ZAR1L: variants seen among roughly 807,000 people sequenced by gnomAD.
The protein encoded by ZAR1L is protein ZAR1-like.
In ZAR1L, 16 loss-of-function variants were observed where a neutral mutation model predicts 30.0. That is an observed-to-expected ratio of 0.53 (90% CI 0.36 to 0.81). The LOEUF (loss-of-function observed/expected upper bound fraction) is 0.81. Ranked by LOEUF, ZAR1L falls within the 30% of genes least tolerant of loss-of-function variation. The pLI, the probability that ZAR1L is intolerant of heterozygous loss-of-function variation, is 0.00. For missense variants in ZAR1L, 392 were observed against 417.2 expected, an observed-to-expected ratio of 0.94 and a Z score of 0.53; for synonymous variants, 197 against 166.8, an observed-to-expected ratio of 1.18 and a Z score of -1.40.
At chr13:32,312,200 C>T (rs2138690401) in intron 2 of ZAR1L, 107 bp from the exon 3 acceptor site, 1 of 409,858 alleles carries the variant, frequency 2.4e-6, no homozygotes, top group Non-Finnish European at 4.4e-6. Context: ...TTTTTCAAAG[C>T]TGTTTTTCAT....
At chr13:32,313,752 G>T (rs2072230185) in intron 2 of ZAR1L, among the ~76,000 whole-genome samples, 1 of 152,188 alleles carries the variant, frequency 6.6e-6, no homozygotes, top group African/African-American at 2.4e-5. Context: ...AAGAGAATAG[G>T]TGAGAAAGTC....
chr13:32,315,247 CA>C (rs2072241923), intron 1 of ZAR1L, 67 bp downstream of exon 1: 1 of 152,520 alleles, frequency 6.6e-6, no homozygotes, highest in African/African-American at 2.4e-5. Context: ...TTGGAGTAGG[CA>C]TAGGGGCGGC....
chr13:32,312,985 T>A (rs1156560307), intron 2 of ZAR1L, among the ~76,000 whole-genome samples: 1 of 152,190 alleles, frequency 6.6e-6, no homozygotes, highest in African/African-American at 2.4e-5. Context: ...AGAAAAATAC[T>A]GCATAAACTC....
intron 1 of ZAR1L, among the ~76,000 whole-genome samples, chr13:32,314,809 G>A (rs1011336414): frequency 1.3e-5 from 2 of 152,104 alleles, no homozygotes; most frequent in African/African-American, 2.4e-5. Context: ...CGGAGATTGC[G>A]CCATTGCACA....
chr13:32,307,530 A>G (rs2072184837), intron 5 of ZAR1L, among the ~76,000 whole-genome samples: 1 of 145,966 alleles, frequency 6.9e-6, no homozygotes, highest in South Asian at 2.2e-4. Context: ...AAAAAAAGGC[A>G]AGATTAACAA....
chr13:32,307,436 T>C (rs2072183706), intron 5 of ZAR1L, among the ~76,000 whole-genome samples: 1 of 141,518 alleles, frequency 7.1e-6, no homozygotes, highest in Non-Finnish European at 1.5e-5. Context: ...GAGGCAGAGC[T>C]TGTAGTGAAC....
intron 5 of ZAR1L, among the ~76,000 whole-genome samples, chr13:32,305,265 T>G (rs1233224780): frequency 6.6e-6 from 1 of 152,090 alleles, no homozygotes; most frequent in East Asian, 1.9e-4. Flanking sequence ...CTCGCTCTTT[T>G]GCCCAGGCTG....
chr13:32,304,016 A>C lies in ZAR1L; in HGVS notation c.829T>G (p.Ser277Ala). The part of the protein sequence containing the change: ...RVEAIQCQTC[S>A]KSHCSCPQKK... ...TGAGGACAGGAACAATGAGACTTTG[A>C]GCAGGTCTTTAGGAAACAAAGAAGA... is the stretch of plus-strand genomic sequence containing the variant. The change falls in exon 6 of 6, where the codon TCA becomes GCA. Residue 277 changes from serine to alanine, a missense_variant. Transcript: ENST00000533490. The C allele has an allele frequency of 6.4e-7, 1 of 1,551,526 alleles. No individual in the cohort carries two copies. Among genetic ancestry groups the C allele is most frequent in the Non-Finnish European group, 8.7e-7 (1 of 1,146,888 alleles).
intron 5 of ZAR1L, among the ~76,000 whole-genome samples, chr13:32,304,809 C>CT (rs776182055): frequency 0.079 from 10,769 of 136,090 alleles, 847 homozygotes; most frequent in African/African-American, 0.19. Flanking sequence ...CAAGATTTAC[C>CT]TTTTTTTTTT....
chr13:32,314,876 C>A (rs2072238906), intron 1 of ZAR1L, among the ~76,000 whole-genome samples: 1 of 151,982 alleles, frequency 6.6e-6, no homozygotes, highest in South Asian at 2.1e-4. Flanking sequence ...AAAGATACTA[C>A]CAAGCCCTGC....
intron 3 of ZAR1L, 72 bp downstream of exon 3, chr13:32,311,200 G>A: frequency 7.0e-7 from 1 of 1,438,248 alleles, no homozygotes; most frequent in East Asian, 2.5e-5. Flanking sequence ...TGCTCTTATT[G>A]CCCCCATAGA....
chr13:32,305,657 A>C (rs2072169472), intron 5 of ZAR1L, among the ~76,000 whole-genome samples: 1 of 152,264 alleles, frequency 6.6e-6, no homozygotes, highest in Non-Finnish European at 1.5e-5. Flanking sequence ...CAATAAAATA[A>C]GGATTTACCC....
chr13:32,311,785 T>G lies in ZAR1L; in HGVS notation c.141A>C (p.Pro47=), dbSNP rs992780692. ...NMGPPTFLAR[P]GLLVPANAPD... Reference sequence around the variant, plus strand: ...GGGCGTTCGCGGGCACCAGCAGCCCTGGCCTGGCCAGAAAAGTGGGAGGAC... The same window carrying G: ...GGGCGTTCGCGGGCACCAGCAGCCCGGGCCTGGCCAGAAAAGTGGGAGGAC... The change falls in exon 3 of 6, where the codon CCA becomes CCC. Residue 47 remains proline, a synonymous_variant. Coordinates refer to ENST00000533490, the MANE Select transcript of ZAR1L (RefSeq NM_001136571.2). The G allele has an allele frequency of 1.3e-6, 2 of 1,551,712 alleles. No individual in the cohort carries two copies. Among genetic ancestry groups the G allele is most frequent in the Admixed American group, 2.0e-5 (1 of 51,018 alleles).
intron 3 of ZAR1L, among the ~76,000 whole-genome samples, chr13:32,311,006 G>A (rs1032779070): frequency 2.6e-5 from 4 of 152,130 alleles, no homozygotes; most frequent in Admixed American, 2.6e-4. Flanking sequence ...TTACAGACTC[G>A]AAGCCCTTCT....
chr13:32,308,814 T>C, intron 4 of ZAR1L, 54 bp from the exon 5 acceptor site: 5 of 1,212,076 alleles, frequency 4.1e-6, no homozygotes, highest in Non-Finnish European at 5.9e-6. Context: ...ACCCACACCC[T>C]GCAAAGGCTC....
At position 32,310,734 on chromosome 13, in the gene ZAR1L, G is replaced by C; in HGVS notation, c.655-3C>G. Reference sequence around the variant, plus strand: ...TAGCCATATTTTGGTTCCAAAAACTGAAAATAAAGAAGAAAAGTACTTTAC... The same window carrying C: ...TAGCCATATTTTGGTTCCAAAAACTCAAAATAAAGAAGAAAAGTACTTTAC... On this transcript the variant is annotated splice_polypyrimidine_tract_variant and splice_region_variant and intron_variant, in intron 3 of 5. Coordinates refer to ENST00000533490, the MANE Select transcript of ZAR1L (RefSeq NM_001136571.2). 6.5e-7 allele frequency: 1 copy of C among 1,541,644 alleles called. No individual in the cohort carries two copies. The highest frequency in any genetic ancestry group is 2.5e-5 in the East Asian group (1 of 40,816).
intron 5 of ZAR1L, among the ~76,000 whole-genome samples, chr13:32,307,364 TA>T (rs1428113928): frequency 6.6e-6 from 1 of 151,492 alleles, no homozygotes; most frequent in Admixed American, 6.6e-5. Flanking sequence ...CCAGGCATGG[TA>T]GCAGGCGCCT....
intron 5 of ZAR1L, among the ~76,000 whole-genome samples, chr13:32,306,718 G>T (rs1296240280): frequency 6.6e-6 from 1 of 152,164 alleles, no homozygotes; most frequent in African/African-American, 2.4e-5. Context: ...ATAACCTGAG[G>T]TCAGGAGTTC....
In ZAR1L at chr13:32,303,994, G is replaced by A; in HGVS notation, c.851C>T (p.Pro284Leu). 1.3e-6 allele frequency: 2 copies of A among 1,551,990 alleles called. No homozygotes were observed. Among genetic ancestry groups the A allele is most frequent in the Non-Finnish European group, 1.7e-6 (2 of 1,147,046 alleles). The part of the protein sequence containing the change: ...QTCSKSHCSC[P>L]QKKRHIDLRR... ...TAGATCAATGTGTCTCTTCTTTTGA[G>A]GACAGGAACAATGAGACTTTGAGCA... Residue 284 changes from proline (P) to leucine (L), a missense_variant, in exon 6 of 6, where the codon CCT (proline) becomes CTT (leucine). Pro to Leu is a moderately conservative substitution (Grantham distance 98). Coordinates refer to ENST00000533490, the MANE Select transcript of ZAR1L (RefSeq NM_001136571.2).
Sources: allele counts gnomAD v4.1 joint callset (sites outside exome capture counted in the v4.1 genomes callset), GRCh38; gene constraint gnomAD v4.1.1; transcripts MANE v1.5; gene names NCBI Gene and HGNC (gene_info 2026-07-23, HGNC 2026-07-21).